Variants in MGA observed in about 807,000 individuals in gnomAD.
MGA encodes MAX dimerization protein MGA.
In MGA, 40 loss-of-function variants were observed where a neutral mutation model predicts 261.1. The observed-to-expected ratio is 0.15, with a 90% CI of 0.12 to 0.20. The LOEUF (loss-of-function observed/expected upper bound fraction) is 0.20, where lower values mean the gene tolerates loss of function less well. Ranked by LOEUF, MGA falls within the 10% of genes least tolerant of loss-of-function variation. The pLI is 1.00. For missense variants in MGA, 3,397 were observed against 3,630.5 expected, an observed-to-expected ratio of 0.94 and a Z score of 1.65; for synonymous variants, 1,302 against 1,290.6, an observed-to-expected ratio of 1.01 and a Z score of -0.19.
Position 41,736,517 on chromosome 15 carries a change from A to C in MGA, c.4253A>C (p.Asp1418Ala), listed in dbSNP as rs1349404274. The change falls in exon 13 of 24, where the codon GAT becomes GCT. Residue 1418 changes from aspartate to alanine, a missense_variant. Coordinates refer to ENST00000219905, the MANE Select transcript of MGA (RefSeq NM_001164273.2). ...GAGAAATCTGGATCAGAGACTCCTG[A>C]TGGTCCATTGTCCCCTGGGAAAATG... 1 of 1,614,034 alleles carries C rather than the reference A, an allele frequency of 6.2e-7. No individual in the cohort carries two copies. Among genetic ancestry groups the C allele is most frequent in the Non-Finnish European group, 8.5e-7 (1 of 1,179,910 alleles).
rs750494307 is a variant in MGA at position 41,766,697 on chromosome 15, G to A, written c.8615G>A (p.Arg2872Lys). 20 of 1,613,880 alleles carry A rather than the reference G, an allele frequency of 1.2e-5. No homozygotes were observed. Among genetic ancestry groups the A allele is most frequent in the Non-Finnish European group, 8.5e-6 (10 of 1,179,914 alleles). Residue 2872 changes from arginine to lysine, a missense_variant, in exon 24 of 24, where the codon AGA becomes AAA. Physicochemically the swap from Arg to Lys is conservative, Grantham distance 26. This residue lies in a region of MGA where 647 missense variants were observed against 642.4 expected (regional missense o/e 1.01). Coordinates refer to ENST00000219905, the MANE Select transcript of MGA (RefSeq NM_001164273.2). ...ATTAGTAAGGTTCCTCCTGGAAGCAGAGCAACTTTCCAGGTTGAGCACTTG... is the reference window on the plus strand; with the variant it reads ...ATTAGTAAGGTTCCTCCTGGAAGCAAAGCAACTTTCCAGGTTGAGCACTTG...
rs531258789 is a variant in MGA, at chr15:41,753,224, A to C, written c.7009-1213A>C. ...CAGGAGTTTGAGACCAGCCTGGCCA[A>C]CATGGTGAAACCCCATCTCTACTAA... On this transcript the variant is annotated intron_variant, in intron 17 of 23. Coordinates refer to ENST00000219905, the MANE Select transcript of MGA (RefSeq NM_001164273.2). Among the ~76,000 whole-genome samples the C allele has an allele frequency of 4.2e-3, 637 of 152,278 alleles. 3 individuals are homozygous for C. Among genetic ancestry groups the C allele is most frequent in the African/African-American group, 0.012 (510 of 41,562 alleles).
chr15:41,708,026 A>G, intron 6 of MGA, 78 bp from the exon 7 acceptor site: 1 of 1,392,126 alleles, frequency 7.2e-7, no homozygotes, highest in Non-Finnish European at 9.7e-7. Context: ...TTACCAAATT[A>G]AAGTTTTATT....
intron 2 of MGA, among the ~76,000 whole-genome samples, chr15:41,692,340 G>GA (rs2059333284): frequency 6.6e-6 from 1 of 152,012 alleles, no homozygotes; most frequent in Non-Finnish European, 1.5e-5. Context: ...TCTGGAGGGG[G>GA]TGGTAATTGG....
intron 8 of MGA, among the ~76,000 whole-genome samples, chr15:41,712,086 A>G (rs985847867): frequency 3.3e-5 from 5 of 152,200 alleles, no homozygotes; most frequent in African/African-American, 7.2e-5. Flanking sequence ...GAAATTTTGT[A>G]TTAATAATTT....
intron 18 of MGA, among the ~76,000 whole-genome samples, chr15:41,756,533 A>G (rs1003202983): frequency 7.9e-5 from 12 of 152,150 alleles, no homozygotes; most frequent in Admixed American, 4.6e-4. Flanking sequence ...CTCTGCTCCT[A>G]TGCCCCAGAA....
chr15:41,686,914 G>A (rs1280071183), intron 2 of MGA, among the ~76,000 whole-genome samples: 1 of 152,042 alleles, frequency 6.6e-6, no homozygotes, highest in Non-Finnish European at 1.5e-5. Flanking sequence ...AAATTCATGT[G>A]GGATATTTGT....
At position 41,709,321 on chromosome 15, in the gene MGA, C is replaced by T. The variant is rs188184839; in HGVS notation, c.2425+1113C>T. Among the ~76,000 whole-genome samples the T allele has an allele frequency of 3.9e-5, 6 of 152,136 alleles. No homozygotes were observed. The East Asian group carries it at 7.7e-4, about 20-fold the overall frequency. On this transcript the variant is annotated intron_variant, in intron 7 of 23. Transcript: ENST00000219905. ...CAAGATCACACCACTGCACTCCAGC[C>T]GGAGTGACAGAGCGAGACCCTGTCT...
intron 1 of MGA, among the ~76,000 whole-genome samples, chr15:41,630,227 G>A (rs2056558730): frequency 6.6e-6 from 1 of 152,034 alleles, no homozygotes. Flanking sequence ...CTCCTACTCA[G>A]TCTTCAATAT....
At chr15:41,680,224 C>G (rs2058595666) in intron 2 of MGA, among the ~76,000 whole-genome samples, 1 of 152,186 alleles carries the variant, frequency 6.6e-6, no homozygotes, top group Admixed American at 6.5e-5. Context: ...TACTCTGTCT[C>G]TTGAGTATAT....
intron 5 of MGA, among the ~76,000 whole-genome samples, chr15:41,702,889 G>C (rs935133293): frequency 4.6e-5 from 7 of 152,114 alleles, no homozygotes; most frequent in African/African-American, 1.7e-4. Flanking sequence ...TGTTTTGGAA[G>C]AGTTTTAGAT....
At chr15:41,737,196 T>C (rs1467101920) in intron 13 of MGA, among the ~76,000 whole-genome samples, 1 of 152,188 alleles carries the variant, frequency 6.6e-6, no homozygotes. Flanking sequence ...CAATCTTGGC[T>C]CACAGCAACC....
chr15:41,696,931 A>C lies in MGA; in HGVS notation c.1921A>C (p.Asn641His). ...AGGAAAGTCTTTAATTTCTACAAAG[A>C]ATACACCTGTAAGCCCTGGGAGTAC... The change falls in exon 3 of 24, where the codon AAT becomes CAT. Residue 641 changes from asparagine (N) to histidine (H), a missense_variant. By Grantham distance (68) the Asn-to-His change is moderately conservative. Transcript: ENST00000219905. The C allele has an allele frequency of 6.2e-7, 1 of 1,603,450 alleles. No homozygotes were observed. Among genetic ancestry groups the C allele is most frequent in the South Asian group, 1.1e-5 (1 of 88,894 alleles).
intron 9 of MGA, among the ~76,000 whole-genome samples, chr15:41,724,736 A>C (rs977316429): frequency 6.6e-6 from 1 of 152,172 alleles, no homozygotes; most frequent in African/African-American, 2.4e-5. Flanking sequence ...TAAAGGAGCT[A>C]AATTTTAAAA....
Position 41,669,392 on chromosome 15 carries a change from T to G in MGA, c.498T>G (p.Gly166=). The change falls in exon 2 of 24, where the codon GGT becomes GGG. Residue 166 remains glycine, a synonymous_variant. Transcript: ENST00000219905. ...TTCATCCAGAATCTCCTTCCACAGG[T>G]CATTATTGGATGCATCAACCAGTAT... 1 of 1,613,972 alleles carries G rather than the reference T, an allele frequency of 6.2e-7. No homozygotes were observed. Among genetic ancestry groups the G allele is most frequent in the Admixed American group, 1.7e-5 (1 of 60,004 alleles).
chr15:41,767,471 TA>T lies in MGA; in HGVS notation c.*195del. On this transcript the variant is annotated 3_prime_UTR_variant, in exon 24 of 24. Transcript: ENST00000219905. The stretch of plus-strand genomic sequence containing the variant: ...AAGTACTCTGAAATTCTGATCATGT[TA>T]AAATGTGTTACCTCACTTGTGGTGC... 3.2e-6 allele frequency: 2 copies of T among 623,608 alleles called. No homozygotes were observed. The highest frequency in any genetic ancestry group is 2.1e-5 in the South Asian group (1 of 47,810). 38.6% of individuals were successfully genotyped at this position (623,608 alleles called of 1,614,324 possible). A position where few individuals can be genotyped will look rare whatever the true frequency, so the allele number is the denominator to read the frequency against.
At chr15:41,721,253 T>C (rs979299300) in intron 9 of MGA, among the ~76,000 whole-genome samples, 1 of 152,012 alleles carries the variant, frequency 6.6e-6, no homozygotes, top group Admixed American at 6.6e-5. Flanking sequence ...GGATTACTTG[T>C]GGTCAGGAAT....
In MGA at chr15:41,635,429, G is replaced by A. The variant is rs1375596500; in HGVS notation, c.-68+14131G>A. On this transcript the variant is annotated intron_variant, in intron 1 of 8. Transcript: ENST00000566718. Reference sequence around the variant, plus strand: ...CAAACACACACACACACAAAATAAGGCTGGGCGCGGTGGCTCACGCCAGTA... The same window carrying A: ...CAAACACACACACACACAAAATAAGACTGGGCGCGGTGGCTCACGCCAGTA... 3.3e-5 allele frequency among the ~76,000 whole-genome samples: 5 copies of A among 152,214 alleles called. 1 individual carries two copies. In the South Asian group the frequency reaches 1.0e-3, roughly 32 times the overall value.
chr15:41,699,759 C>A (rs954466788), intron 5 of MGA, among the ~76,000 whole-genome samples: 4 of 152,162 alleles, frequency 2.6e-5, no homozygotes, highest in Admixed American at 2.6e-4. Flanking sequence ...CTCGGCCTCC[C>A]AATTATGTGT....
Sources: gnomAD v4.1 joint callset for allele counts (sites outside exome capture counted in the v4.1 genomes callset) on GRCh38, gnomAD v4.1.1 for gene constraint, gnomAD v4.1.1 regional missense constraint, MANE v1.5 for transcripts, NCBI Gene and HGNC (gene_info 2026-07-23, HGNC 2026-07-21) for gene names.